The following KHDC4 variants were observed in gnomAD, a reference collection of about 807,000 sequenced individuals.
KHDC4 encodes KH homology domain-containing protein 4.
A neutral mutation model predicts 74.5 loss-of-function variants in KHDC4; 19 were observed. That is an observed-to-expected ratio of 0.26 (90% confidence interval 0.18 to 0.37). KHDC4 has a LOEUF of 0.37. Ranked by LOEUF, KHDC4 falls within the 10% of genes least tolerant of loss-of-function variation. The pLI, the probability that KHDC4 is intolerant of heterozygous loss-of-function variation, is 1.00. For synonymous variants in KHDC4, 253 were observed against 266.1 expected (o/e 0.95, Z 0.48); for missense variants, 632 against 754.1 (o/e 0.84, Z 1.90).
chr1:155,921,401 C>T lies in KHDC4; in HGVS notation c.1240G>A (p.Val414Met). The change falls in exon 10 of 14, where the codon GTG becomes ATG. Residue 414 changes from valine to methionine, a missense_variant. Transcript: ENST00000368321. ...PVPTQYPITQ[V>M]QPPASTGQSP... is the part of the protein sequence containing the mutation. Reference sequence around the variant, plus strand: ...TGTCCAGTGCTAGCTGGAGGCTGCACTTGTGTTATCGGGTATTGTGTTGGC... The same window carrying T: ...TGTCCAGTGCTAGCTGGAGGCTGCATTTGTGTTATCGGGTATTGTGTTGGC... 6.2e-7 allele frequency: 1 copy of T among 1,614,078 alleles called. No homozygotes were observed. The highest frequency in any genetic ancestry group is 8.5e-7 in the Non-Finnish European group (1 of 1,179,980).
chr1:155,914,573 A>G, intron 13 of KHDC4: 1 of 418,650 alleles, frequency 2.4e-6, no homozygotes, highest in Non-Finnish European at 4.2e-6. Flanking sequence ...AAAAGAAAAA[A>G]AAAGAAAAAA....
At chr1:155,919,194 C>T (rs1673799337) in intron 10 of KHDC4, among the ~76,000 whole-genome samples, 2 of 151,846 alleles carry the variant, frequency 1.3e-5, no homozygotes, top group East Asian at 3.9e-4. Flanking sequence ...TCTTGAACTC[C>T]TGACCTCAAG....
chr1:155,926,657 A>G lies in KHDC4; in HGVS notation c.681+19T>C. ...TATAGAAATGATAATGCTATTAACGATCCCTCCCCAAAACATACCCCTGAC... is the reference window on the plus strand; with the variant it reads ...TATAGAAATGATAATGCTATTAACGGTCCCTCCCCAAAACATACCCCTGAC... On this transcript the variant is annotated intron_variant, in intron 6 of 13. Transcript: ENST00000368321. The G allele has an allele frequency of 3.1e-6, 5 of 1,612,558 alleles. No homozygotes were observed. The highest frequency in any genetic ancestry group is 4.2e-6 in the Non-Finnish European group (5 of 1,178,670).
At chr1:155,929,681 C>T (rs1674101881) in intron 3 of KHDC4, 31 bp downstream of exon 3, 1 of 1,598,924 alleles carries the variant, frequency 6.3e-7, no homozygotes, top group Non-Finnish European at 8.5e-7. Context: ...CCACTCACCG[C>T]CCTCCCCAAA....
chr1:155,921,081 G>T (rs1312833826), intron 10 of KHDC4, among the ~76,000 whole-genome samples: 1 of 152,114 alleles, frequency 6.6e-6, no homozygotes, highest in Admixed American at 6.6e-5. Context: ...AGAATGTATG[G>T]CCCTTAAAGC....
At position 155,929,732 on chromosome 1, in the gene KHDC4, G is replaced by A. The variant is rs1358372337; in HGVS notation, c.364C>T (p.Arg122Ter). ...VPLTCRNLLT[R>*]GQTQDEISRL... ...CTCACCTCGTCTTGAGTCTGTCCTCGAGTCAGCAAGTTCCTACATGTGAGA... is the reference window on the plus strand; with the variant it reads ...CTCACCTCGTCTTGAGTCTGTCCTCAAGTCAGCAAGTTCCTACATGTGAGA... The change falls in exon 3 of 14, where the codon CGA becomes TGA. Residue 122 changes from arginine to a stop codon, truncating the protein, a stop_gained. Transcript: ENST00000368321. LOFTEE classifies it high-confidence loss of function. 6.2e-7 allele frequency: 1 copy of A among 1,611,780 alleles called. No homozygotes were observed. Among genetic ancestry groups the A allele is most frequent in the Non-Finnish European group, 8.5e-7 (1 of 1,179,248 alleles).
chr1:155,919,871 A>C (rs770022937), intron 10 of KHDC4: 1 of 264,190 alleles, frequency 3.8e-6, no homozygotes, highest in Admixed American at 3.8e-5. Flanking sequence ...TTGACTAGAG[A>C]CCACAAATAA....
intron 8 of KHDC4, among the ~76,000 whole-genome samples, chr1:155,923,330 G>C (rs1056327090): frequency 3.3e-5 from 5 of 152,248 alleles, no homozygotes; most frequent in Middle Eastern, 3.4e-3. Flanking sequence ...CTTCAGACTG[G>C]AGTTATGCTA....
intron 4 of KHDC4, 77 bp from the exon 5 acceptor site, chr1:155,927,233 AT>A (rs1385481417): frequency 9.1e-7 from 1 of 1,103,176 alleles, no homozygotes; most frequent in African/African-American, 1.6e-5. Flanking sequence ...ACCAGATCTA[AT>A]TTGTAATGTT....
chr1:155,919,707 A>G (rs1439513533), intron 10 of KHDC4, among the ~76,000 whole-genome samples: 1 of 152,050 alleles, frequency 6.6e-6, no homozygotes, highest in Admixed American at 6.5e-5. Context: ...GCTACTCGGG[A>G]GGCTGAGGCA....
At position 155,914,278 on chromosome 1, in the gene KHDC4, C is replaced by A. The variant is rs369750376; in HGVS notation, c.1688G>T (p.Gly563Val). The change falls in exon 14 of 14, where the codon GGC becomes GTC. Residue 563 changes from glycine to valine, a missense_variant. By Grantham distance (109) the Gly-to-Val change is moderately radical. Coordinates refer to ENST00000368321, the MANE Select transcript of KHDC4 (RefSeq NM_014949.4). ...TGAATCTGCAGCATAAGCCACCAAG[C>A]CAAATCCCTTCTCTGTAGTTTTCAT... ...KKMKTTEKGFGLVAYAADSSD... is the reference protein window; with the variant it reads ...KKMKTTEKGFVLVAYAADSSD... 1 of 1,613,926 alleles carries A rather than the reference C, an allele frequency of 6.2e-7. No individual in the cohort carries two copies. The highest frequency in any genetic ancestry group is 1.3e-5 in the African/African-American group (1 of 74,938).
At chr1:155,922,587 A>G (rs927677260) in intron 8 of KHDC4, among the ~76,000 whole-genome samples, 6 of 152,188 alleles carry the variant, frequency 3.9e-5, no homozygotes, top group African/African-American at 7.2e-5. Flanking sequence ...GTAACTAGGA[A>G]ATTTCCAAGT....
intron 2 of KHDC4, chr1:155,932,613 G>C (rs1424708636): frequency 6.6e-6 from 1 of 152,170 alleles, no homozygotes; most frequent in Non-Finnish European, 1.5e-5. Flanking sequence ...TTGTCAAGAT[G>C]CTTTTAATTT....
intron 5 of KHDC4, 94 bp from the exon 6 acceptor site, chr1:155,926,933 A>T: frequency 2.1e-6 from 3 of 1,437,960 alleles, no homozygotes; most frequent in Non-Finnish European, 2.9e-6. Flanking sequence ...TCTGCTTTAT[A>T]CGTTACCCAA....
chr1:155,914,315 G>A lies in KHDC4; in HGVS notation c.1651C>T (p.Pro551Ser), dbSNP rs780970108. ...SGTLTGSHDY[P>S]AKKMKTTEKG... is the part of the protein sequence containing the mutation. ...TCTGTAGTTTTCATCTTCTTGGCTG[G>A]ATAATCTAGAATAGAGAAAAAACAA... The change falls in exon 14 of 14, where the codon CCA becomes TCA. Residue 551 changes from proline (P) to serine (S), a missense_variant. Pro to Ser is a moderately conservative substitution (Grantham distance 74). Transcript: ENST00000368321. 11 of 1,611,064 alleles carry A rather than the reference G, an allele frequency of 6.8e-6. No homozygotes were observed. The African/African-American group carries it at 1.5e-4, about 22-fold the overall frequency.
intron 8 of KHDC4, 103 bp from the exon 9 acceptor site, chr1:155,922,021 T>G: frequency 1.5e-6 from 1 of 686,108 alleles, no homozygotes; most frequent in South Asian, 1.9e-5. Flanking sequence ...GGAATTAAAA[T>G]ATATCTACCA....
intron 4 of KHDC4, among the ~76,000 whole-genome samples, chr1:155,928,637 A>C (rs1467634730): frequency 6.8e-6 from 1 of 147,720 alleles, no homozygotes; most frequent in East Asian, 2.0e-4. Flanking sequence ...GAGGGGAACT[A>C]TTTCCACAGA....
chr1:155,915,840 A>G, intron 13 of KHDC4, 33 bp downstream of exon 13: 1 of 1,377,734 alleles, frequency 7.3e-7, no homozygotes, highest in Admixed American at 1.9e-5. Context: ...AGTCTTAGCC[A>G]CTCCCCTGTT....
intron 13 of KHDC4, chr1:155,914,623 CA>C (rs2102595316): frequency 6.7e-6 from 2 of 300,080 alleles, no homozygotes; most frequent in East Asian, 1.3e-4. Flanking sequence ...GCTGATATTT[CA>C]CCTTTTAAAG....
Sources: allele counts gnomAD v4.1 joint callset (sites outside exome capture counted in the v4.1 genomes callset), GRCh38; gene constraint gnomAD v4.1.1; transcripts MANE v1.5; gene names NCBI Gene and HGNC (gene_info 2026-07-23, HGNC 2026-07-21).